The following C12orf42 variants were observed in gnomAD, a reference collection of about 807,000 sequenced individuals.
C12orf42 encodes uncharacterized protein C12orf42.
A neutral mutation model predicts 21.6 loss-of-function variants in C12orf42; 25 were observed. The observed-to-expected ratio is 1.16, with a 90% CI of 0.84 to 1.62. The LOEUF is 1.62. C12orf42 is among the 40% of genes most tolerant of loss of function. C12orf42 has a pLI of 0.00. For missense variants in C12orf42, 483 were observed against 459.3 expected (o/e 1.05, Z -0.47); for synonymous variants, 174 against 175.0 (o/e 0.99, Z 0.05).
chr12:103,536,018 C>T, the C12orf42 span, among the ~76,000 whole-genome samples: 7 of 152,246 alleles, frequency 4.6e-5, no homozygotes, highest in South Asian at 2.1e-4. Context: ...TGGCAGCAAG[C>T]GGTCCTCCTG....
intron 2 of C12orf42, among the ~76,000 whole-genome samples, chr12:103,414,597 AG>A (rs1316078665): frequency 3.3e-5 from 5 of 152,122 alleles, no homozygotes; most frequent in Admixed American, 2.6e-4. Flanking sequence ...CTTCTTATAA[AG>A]ATCTTTCACT....
intron 2 of C12orf42, among the ~76,000 whole-genome samples, chr12:103,446,277 G>A (rs191269583): frequency 6.6e-6 from 1 of 151,710 alleles, no homozygotes; most frequent in Admixed American, 6.6e-5. Context: ...CTTCATAAAT[G>A]AAAAAAAGAT....
chr12:103,050,698 C>T, the C12orf42 span, among the ~76,000 whole-genome samples: 2 of 151,892 alleles, frequency 1.3e-5, no homozygotes, highest in Middle Eastern at 3.4e-3. Flanking sequence ...AAAACTTAGC[C>T]ATTAACAAAA....
At chr12:103,206,819 A>C in the C12orf42 span, among the ~76,000 whole-genome samples, 1 of 152,126 alleles carries the variant, frequency 6.6e-6, no homozygotes, top group Non-Finnish European at 1.5e-5. Context: ...ACCATCCATA[A>C]TATGATGGTC....
At chr12:103,449,287 T>C (rs1176819305) in intron 2 of C12orf42, among the ~76,000 whole-genome samples, 3 of 151,974 alleles carry the variant, frequency 2.0e-5, no homozygotes, top group African/African-American at 4.8e-5. Context: ...GGAGCTAAGC[T>C]ATCAGGACAC....
chr12:103,213,601 CCTT>C, the C12orf42 span, among the ~76,000 whole-genome samples: 1 of 152,178 alleles, frequency 6.6e-6, no homozygotes, highest in Admixed American at 6.5e-5. Flanking sequence ...GGCCAGCACT[CCTT>C]CCTCTCCCCT....
chr12:103,409,300 G>A (rs1260374326), intron 2 of C12orf42, among the ~76,000 whole-genome samples: 1 of 152,102 alleles, frequency 6.6e-6, no homozygotes, highest in Non-Finnish European at 1.5e-5. Context: ...CATCAAAGAG[G>A]TTATCAGAGG....
At chr12:103,063,077 A>G in the C12orf42 span, among the ~76,000 whole-genome samples, 1 of 152,218 alleles carries the variant, frequency 6.6e-6, no homozygotes, top group East Asian at 1.9e-4. Flanking sequence ...ATGAGAGGCA[A>G]GAAGTTTGGT....
At chr12:103,281,158 G>A (rs143767352) in intron 4 of C12orf42, among the ~76,000 whole-genome samples, 2 of 152,220 alleles carry the variant, frequency 1.3e-5, no homozygotes, top group South Asian at 2.1e-4. Flanking sequence ...CTACATTTAC[G>A]AGATTCTTTA....
the C12orf42 span, among the ~76,000 whole-genome samples, chr12:103,198,026 C>CA: frequency 6.6e-6 from 1 of 152,178 alleles, no homozygotes; most frequent in Non-Finnish European, 1.5e-5. Flanking sequence ...ACAGAGGCAG[C>CA]AGGATCCACA....
the C12orf42 span, among the ~76,000 whole-genome samples, chr12:103,147,649 A>G: frequency 9.9e-6 from 1 of 100,634 alleles, no homozygotes; most frequent in Non-Finnish European, 1.9e-5. Flanking sequence ...TTTGTAATGT[A>G]CGACAGTAAC....
the C12orf42 span, among the ~76,000 whole-genome samples, chr12:103,224,315 G>A: frequency 6.6e-6 from 1 of 152,196 alleles, no homozygotes; most frequent in African/African-American, 2.4e-5. Flanking sequence ...ATTTCCTTGA[G>A]GATAGATTTC....
the C12orf42 span, among the ~76,000 whole-genome samples, chr12:103,519,765 C>T: frequency 1.5e-3 from 234 of 152,266 alleles, no homozygotes; most frequent in Admixed American, 4.2e-3. Flanking sequence ...GACACAAATT[C>T]CTCCCAGCCA....
chr12:103,560,181 T>A, the C12orf42 span, among the ~76,000 whole-genome samples: 1 of 152,218 alleles, frequency 6.6e-6, no homozygotes, highest in African/African-American at 2.4e-5. Flanking sequence ...GATGGGAAAC[T>A]ACAAGGTTGA....
At chr12:103,215,323 C>CAT in the C12orf42 span, among the ~76,000 whole-genome samples, 5,405 of 151,674 alleles carry the variant, frequency 0.036, 110 homozygotes, top group Admixed American at 0.053. Flanking sequence ...TACCAAAACT[C>CAT]ATATATATAT....
intron 3 of C12orf42, among the ~76,000 whole-genome samples, chr12:103,389,946 G>A (rs948233872): frequency 1.3e-5 from 2 of 152,174 alleles, no homozygotes; most frequent in African/African-American, 4.8e-5. Flanking sequence ...TCTGTTGGCA[G>A]AGAAATCTCT....
At chr12:103,514,477 C>A in the C12orf42 span, among the ~76,000 whole-genome samples, 4 of 152,092 alleles carry the variant, frequency 2.6e-5, no homozygotes, top group African/African-American at 9.7e-5. Flanking sequence ...AGGGCAGGGC[C>A]TAGGAACACC....
chr12:103,075,704 G>C, the C12orf42 span, among the ~76,000 whole-genome samples: 502 of 152,108 alleles, frequency 3.3e-3, 1 homozygote, highest in African/African-American at 0.012. Flanking sequence ...CAATATTTTT[G>C]ACCACCCAAC....
the C12orf42 span, among the ~76,000 whole-genome samples, chr12:103,173,361 C>T: frequency 6.6e-6 from 1 of 152,228 alleles, no homozygotes; most frequent in African/African-American, 2.4e-5. Flanking sequence ...TTGGAGATTT[C>T]ACATGGGACA....
Sources: gnomAD v4.1 joint callset for allele counts (sites outside exome capture counted in the v4.1 genomes callset) on GRCh38, gnomAD v4.1.1 for gene constraint, MANE v1.5 for transcripts, NCBI Gene and HGNC (gene_info 2026-07-23, HGNC 2026-07-21) for gene names.